KIAA0319L: variants seen among roughly 807,000 people sequenced by gnomAD.
KIAA0319L encodes dyslexia-associated protein KIAA0319-like protein.
KIAA0319L carries 55 observed loss-of-function variants against 120.1 expected under a neutral mutation model. The ratio of observed to expected loss-of-function variants is 0.46; its 90% CI spans 0.37 to 0.57. KIAA0319L has a LOEUF of 0.57. Ranked by LOEUF, KIAA0319L falls within the 20% of genes least tolerant of loss-of-function variation. KIAA0319L has a pLI of 0.00. For synonymous variants in KIAA0319L, 398 were observed against 471.9 expected (o/e 0.84, Z 2.03); for missense variants, 1,049 against 1,255.3 (o/e 0.84, Z 2.48).
At chr1:35,534,858 C>CAA (rs779838672) in intron 2 of KIAA0319L, among the ~76,000 whole-genome samples, 1,465 of 42,410 alleles carry the variant, frequency 0.035, 59 homozygotes, top group Middle Eastern at 0.065. Flanking sequence ...GACTCCGTCT[C>CAA]AAAAAAAAAA....
At chr1:35,493,743 G>A (rs961092107) in intron 3 of KIAA0319L, among the ~76,000 whole-genome samples, 3 of 151,966 alleles carry the variant, frequency 2.0e-5, no homozygotes, top group Admixed American at 6.6e-5. Context: ...TAGTTGGGGG[G>A]CTGAGGCAGG....
intron 19 of KIAA0319L, among the ~76,000 whole-genome samples, chr1:35,441,642 AG>A (rs1406609654): frequency 6.6e-6 from 1 of 152,122 alleles, no homozygotes; most frequent in Non-Finnish European, 1.5e-5. Context: ...AAATGGGAAA[AG>A]GTTATGTGTC....
At chr1:35,522,650 T>G (rs1319437007) in intron 2 of KIAA0319L, among the ~76,000 whole-genome samples, 1 of 152,112 alleles carries the variant, frequency 6.6e-6, no homozygotes, top group African/African-American at 2.4e-5. Context: ...TTTTAAAAAT[T>G]TAAACAAACA....
rs577715707 is a variant in KIAA0319L, at chr1:35,452,972, A to G, written c.1913+585T>C. Among the ~76,000 whole-genome samples, 6 of 152,334 alleles carry G rather than the reference A, an allele frequency of 3.9e-5. No homozygotes were observed. In the South Asian group the frequency reaches 1.2e-3, roughly 32 times the overall value. The stretch of plus-strand genomic sequence containing the variant: ...CTTGTGGGATCCTGCATATAATTTC[A>G]GTTGCATTAGTTATGCTTTAAAGGA... On this transcript the variant is annotated intron_variant, in intron 12 of 20. Coordinates refer to ENST00000325722, the MANE Select transcript of KIAA0319L (RefSeq NM_024874.5).
At chr1:35,501,815 T>G (rs1394277704) in intron 3 of KIAA0319L, among the ~76,000 whole-genome samples, 3 of 145,880 alleles carry the variant, frequency 2.1e-5, no homozygotes, top group Non-Finnish European at 4.5e-5. Flanking sequence ...GAGGTGGAGG[T>G]TGCAGTGAGC....
Position 35,479,202 on chromosome 1 carries a change from G to A in KIAA0319L, c.677C>T (p.Ala226Val), listed in dbSNP as rs201085308. ...TTSGSAEVHK[A>V]ITISSPLTTD... Reference sequence around the variant, plus strand: ...GGTTAGGGGACTGGAAATTGTAATCGCCTTGTGGACCTAAAGAAATAAAAA... The same window carrying A: ...GGTTAGGGGACTGGAAATTGTAATCACCTTGTGGACCTAAAGAAATAAAAA... Residue 226 changes from alanine (A) to valine (V), a missense_variant, in exon 4 of 21, where the codon GCG (alanine) becomes GTG (valine). Coordinates refer to ENST00000325722, the MANE Select transcript of KIAA0319L (RefSeq NM_024874.5). 4.3e-6 allele frequency: 7 copies of A among 1,612,972 alleles called. No homozygotes were observed. The highest frequency in any genetic ancestry group is 1.3e-5 in the African/African-American group (1 of 74,982).
In KIAA0319L at chr1:35,478,970, G is replaced by T. The variant is rs1420573870; in HGVS notation, c.909C>A (p.Tyr303Ter). The change falls in exon 4 of 21, where the codon TAC becomes TAA. Residue 303 changes from tyrosine (Y) to a stop codon, truncating the protein, a stop_gained. Transcript: ENST00000325722. LOFTEE classifies it high-confidence loss of function. ...QASFQSTSAPYPVIKELVVSA... is the reference protein window; with the variant it reads ...QASFQSTSAP ...TCCAAGAGCAAAGGTCCTTACCTGG[G>T]TATGGTGCTGAGGTGCTCTGGAAAG... 6.2e-7 allele frequency: 1 copy of T among 1,613,828 alleles called. No individual in the cohort carries two copies. The highest frequency in any genetic ancestry group is 8.5e-7 in the Non-Finnish European group (1 of 1,179,930).
intron 6 of KIAA0319L, among the ~76,000 whole-genome samples, chr1:35,468,433 C>CA (rs1643414312): frequency 6.6e-6 from 1 of 152,142 alleles, no homozygotes; most frequent in African/African-American, 2.4e-5. Flanking sequence ...GGTTGATGTG[C>CA]AAATATATCT....
intron 3 of KIAA0319L, among the ~76,000 whole-genome samples, chr1:35,490,571 A>C (rs1194589113): frequency 6.6e-6 from 1 of 152,250 alleles, no homozygotes; most frequent in African/African-American, 2.4e-5. Context: ...CAGAGATGAC[A>C]GAACTGGTAG....
At chr1:35,442,698 TG>T (rs1641314722) in intron 18 of KIAA0319L, among the ~76,000 whole-genome samples, 1 of 152,252 alleles carries the variant, frequency 6.6e-6, no homozygotes, top group Non-Finnish European at 1.5e-5. Flanking sequence ...GAGTTAAGCC[TG>T]GTTCTTCTTA....
intron 3 of KIAA0319L, among the ~76,000 whole-genome samples, chr1:35,488,505 C>T (rs1460361046): frequency 1.3e-5 from 2 of 152,088 alleles, no homozygotes; most frequent in Non-Finnish European, 2.9e-5. Context: ...CAAATTGAAG[C>T]TAAAATACCT....
At chr1:35,482,556 A>C (rs1289403062) in intron 3 of KIAA0319L, among the ~76,000 whole-genome samples, 1 of 151,462 alleles carries the variant, frequency 6.6e-6, no homozygotes, top group African/African-American at 2.4e-5. Flanking sequence ...CAGCCTCCCG[A>C]GTAGCTGGGA....
intron 10 of KIAA0319L, 35 bp downstream of exon 10, chr1:35,455,978 T>C: frequency 6.5e-7 from 1 of 1,526,754 alleles, no homozygotes; most frequent in Non-Finnish European, 9.0e-7. Context: ...TCTACTTCTC[T>C]TGGGCAAGAA....
At chr1:35,507,182 A>G (rs1413260128) in intron 2 of KIAA0319L, 47 bp from the exon 3 acceptor site, 1 of 1,498,022 alleles carries the variant, frequency 6.7e-7, no homozygotes, top group East Asian at 2.3e-5. Flanking sequence ...AAAAACAGAG[A>G]CTACTGCTCC....
chr1:35,437,962 C>A lies in KIAA0319L; in HGVS notation c.2963-2881G>T, dbSNP rs949975330. Reference sequence around the variant, plus strand: ...GGAAGTCAGCCCTGACCTTGCCAGACCTAGCTATAACCCACTGACACCACG... The same window carrying A: ...GGAAGTCAGCCCTGACCTTGCCAGAACTAGCTATAACCCACTGACACCACG... On this transcript the variant is annotated intron_variant, in intron 20 of 20. Transcript: ENST00000325722. This position sits in a 1 kb window ranked among gnomAD's most constrained non-coding sequence, Gnocchi z 4.1. 2.0e-5 allele frequency among the ~76,000 whole-genome samples: 3 copies of A among 152,184 alleles called. No homozygotes were observed. Among genetic ancestry groups the A allele is most frequent in the Non-Finnish European group, 4.4e-5 (3 of 68,034 alleles).
At chr1:35,556,928 G>A (rs1648174455) in intron 1 of KIAA0319L, 1 of 152,372 alleles carries the variant, frequency 6.6e-6, no homozygotes, top group Admixed American at 6.5e-5. Context: ...GAAGGTGGAA[G>A]AAGGACGGCA....
intron 3 of KIAA0319L, among the ~76,000 whole-genome samples, chr1:35,501,511 T>A (rs1645004195): frequency 6.6e-6 from 1 of 152,196 alleles, no homozygotes. Flanking sequence ...ATTTTACTGG[T>A]GACTTTGACA....
At chr1:35,519,353 GT>G (rs970200167) in intron 2 of KIAA0319L, among the ~76,000 whole-genome samples, 10 of 151,830 alleles carry the variant, frequency 6.6e-5, no homozygotes, top group Admixed American at 5.3e-4. Flanking sequence ...GTGAAATAAA[GT>G]TTTTTTTTCC....
At position 35,554,417 on chromosome 1, in the gene KIAA0319L, C is replaced by T. The variant is rs779620335; in HGVS notation, c.75G>A (p.Ala25=). 7.4e-6 allele frequency: 12 copies of T among 1,613,418 alleles called. No individual in the cohort carries two copies. In the Admixed American group the frequency reaches 1.3e-4, roughly 18 times the overall value. ...ACAGGTACAGGCTTCTCAACCACTT[C>T]GCAGATGTCTGCCAATAATATCCTG... ...ILSGYYWQTS[A]KWLRSLYLFY... The change falls in exon 2 of 21, where the codon GCG becomes GCA. Residue 25 remains alanine (A), a synonymous_variant. Transcript: ENST00000325722.
Sources: gnomAD v4.1 joint callset for allele counts (sites outside exome capture counted in the v4.1 genomes callset) on GRCh38, gnomAD v4.1.1 for gene constraint, Gnocchi (gnomAD v3.1) non-coding constraint, MANE v1.5 for transcripts, NCBI Gene and HGNC (gene_info 2026-07-23, HGNC 2026-07-21) for gene names.